The following TTC28 variants were observed in gnomAD, a reference collection of about 807,000 sequenced individuals.
TTC28 encodes tetratricopeptide repeat domain 28, also known as tetratricopeptide repeat protein 28.
TTC28 carries 61 observed loss-of-function variants against 198.0 expected under a neutral mutation model. The observed-to-expected ratio is 0.31, with a 90% CI of 0.25 to 0.38. The LOEUF (loss-of-function observed/expected upper bound fraction) is 0.38. TTC28 is among the 10% of genes least tolerant of loss of function. The probability of loss-of-function intolerance (pLI) is 1.00; values close to 1 mark genes in which losing one functional copy is unlikely to be tolerated. For missense variants in TTC28, 2,678 were observed against 3,164.0 expected, an observed-to-expected ratio of 0.85 and a Z score of 3.69; for synonymous variants, 1,171 against 1,297.8, an observed-to-expected ratio of 0.90 and a Z score of 2.10.
At chr22:28,021,272 G>T (rs1938583257) in intron 13 of TTC28, among the ~76,000 whole-genome samples, 1 of 152,174 alleles carries the variant, frequency 6.6e-6, no homozygotes, top group African/African-American at 2.4e-5. Flanking sequence ...GAACAAGCAT[G>T]CTAGAGCTTA....
chr22:28,145,871 T>A (rs1186024050), intron 6 of TTC28, among the ~76,000 whole-genome samples: 1 of 152,232 alleles, frequency 6.6e-6, no homozygotes, highest in East Asian at 1.9e-4. Context: ...ACATACTAAC[T>A]CATTCAATCC....
chr22:28,529,835 G>A (rs941460365), intron 2 of TTC28, among the ~76,000 whole-genome samples: 2 of 152,154 alleles, frequency 1.3e-5, no homozygotes, highest in Non-Finnish European at 2.9e-5. Context: ...ACCTTCAGCT[G>A]AGGGTCCTGA....
intron 12 of TTC28, among the ~76,000 whole-genome samples, chr22:28,093,614 T>A (rs1464773425): frequency 6.6e-6 from 1 of 152,242 alleles, no homozygotes; most frequent in East Asian, 1.9e-4. Flanking sequence ...TTCTTCATAT[T>A]TGAGAGTTCA....
chr22:28,013,288 C>T (rs886507197), intron 14 of TTC28, among the ~76,000 whole-genome samples: 3 of 152,224 alleles, frequency 2.0e-5, no homozygotes, highest in Admixed American at 6.5e-5. Context: ...GCCTGGCTAA[C>T]AGCAGCCTGC....
At chr22:28,307,467 CA>C (rs2045168750) in intron 2 of TTC28, among the ~76,000 whole-genome samples, 1 of 152,064 alleles carries the variant, frequency 6.6e-6, no homozygotes, top group African/African-American at 2.4e-5. Context: ...GGCTTGAGTG[CA>C]GTGGCGCAAT....
intron 2 of TTC28, among the ~76,000 whole-genome samples, chr22:28,610,181 C>T (rs1449287569): frequency 1.3e-5 from 2 of 152,138 alleles, no homozygotes; most frequent in Non-Finnish European, 2.9e-5. Flanking sequence ...CTTAAACGTC[C>T]CTGCCTGACA....
chr22:28,495,220 G>T (rs1315093348), intron 2 of TTC28, among the ~76,000 whole-genome samples: 1 of 152,130 alleles, frequency 6.6e-6, no homozygotes, highest in Non-Finnish European at 1.5e-5. Context: ...TAGACGGGAA[G>T]TTGTCCATTA....
At chr22:28,591,040 C>CACATATATATAT (rs1362164401) in intron 2 of TTC28, among the ~76,000 whole-genome samples, 4 of 30,746 alleles carry the variant, frequency 1.3e-4, no homozygotes, top group African/African-American at 4.9e-4. Flanking sequence ...CACACACACA[C>CACATATATATAT]ATATATATAT....
At chr22:28,513,421 T>C (rs913293652) in intron 2 of TTC28, among the ~76,000 whole-genome samples, 1 of 152,148 alleles carries the variant, frequency 6.6e-6, no homozygotes, top group African/African-American at 2.4e-5. Context: ...CAAAAAGCAG[T>C]ATTTCCTTTA....
chr22:28,459,207 G>T lies in TTC28; in HGVS notation c.382-152564C>A, dbSNP rs934652216. ...TTTGGGAGGCTGAGGCAGGTGGATC[G>T]CTTGAGCTCAGGAGTTCGAGACCAG... is the stretch of plus-strand genomic sequence containing the variant. On this transcript the variant is annotated intron_variant, in intron 2 of 22. Coordinates refer to ENST00000397906, the MANE Select transcript of TTC28 (RefSeq NM_001145418.2). Among the ~76,000 whole-genome samples the T allele has an allele frequency of 4.9e-4, 74 of 152,010 alleles. 3 individuals are homozygous for T. The highest frequency in any genetic ancestry group is 2.1e-4 in the South Asian group (1 of 4,824).
At chr22:28,396,071 C>A (rs2046810666) in intron 2 of TTC28, among the ~76,000 whole-genome samples, 1 of 152,148 alleles carries the variant, frequency 6.6e-6, no homozygotes, top group Non-Finnish European at 1.5e-5. Flanking sequence ...ACATTGCTCC[C>A]CTCTGCTAAT....
chr22:28,299,234 T>C (rs959543987), intron 3 of TTC28, among the ~76,000 whole-genome samples: 6 of 150,180 alleles, frequency 4.0e-5, no homozygotes, highest in African/African-American at 1.2e-4. Flanking sequence ...TATTCCACTA[T>C]GCACATGTAA....
At chr22:27,992,429 G>A (rs1937449474) in intron 19 of TTC28, 158 bp downstream of exon 19, 1 of 739,052 alleles carries the variant, frequency 1.4e-6, no homozygotes, top group South Asian at 1.9e-5. Flanking sequence ...TTGCCAGGCA[G>A]GGCTATTCTC....
chr22:28,479,283 G>T (rs996921652), intron 2 of TTC28, among the ~76,000 whole-genome samples: 1 of 152,122 alleles, frequency 6.6e-6, no homozygotes, highest in Non-Finnish European at 1.5e-5. Flanking sequence ...GAAGGAGGGG[G>T]CCACTTTGGA....
At chr22:28,588,896 A>T (rs1474626352) in intron 2 of TTC28, among the ~76,000 whole-genome samples, 1 of 152,202 alleles carries the variant, frequency 6.6e-6, no homozygotes, top group African/African-American at 2.4e-5. Context: ...CTTCTGCTAC[A>T]TTATCTCATC....
intron 5 of TTC28, among the ~76,000 whole-genome samples, chr22:28,182,907 G>C (rs978144566): frequency 2.0e-5 from 3 of 152,156 alleles, no homozygotes; most frequent in African/African-American, 7.2e-5. Context: ...CATGTGATCT[G>C]TATTATTAAA....
intron 2 of TTC28, among the ~76,000 whole-genome samples, chr22:28,376,829 C>A (rs1534884): frequency 1.3e-5 from 2 of 152,032 alleles, no homozygotes; most frequent in Non-Finnish European, 2.9e-5. Context: ...CCCGACCTGA[C>A]GTCTTCAGCT....
intron 2 of TTC28, among the ~76,000 whole-genome samples, chr22:28,341,371 A>AT (rs1207417945): frequency 6.6e-6 from 1 of 152,174 alleles, no homozygotes; most frequent in East Asian, 1.9e-4. Context: ...TTATACAGAC[A>AT]TTTTTGGCTG....
intron 5 of TTC28, among the ~76,000 whole-genome samples, chr22:28,191,486 C>A (rs576358473): frequency 6.6e-6 from 1 of 152,196 alleles, no homozygotes; most frequent in Non-Finnish European, 1.5e-5. Flanking sequence ...GGAGGCAGGG[C>A]GAGGCATCGC....
Sources: gnomAD v4.1 joint callset for allele counts (sites outside exome capture counted in the v4.1 genomes callset) on GRCh38, gnomAD v4.1.1 for gene constraint, MANE v1.5 for transcripts, NCBI Gene and HGNC (gene_info 2026-07-23, HGNC 2026-07-21) for gene names.